RBM19: variants seen among roughly 807,000 people sequenced by gnomAD.
The protein encoded by RBM19 is RNA binding motif protein 19, also known as probable RNA-binding protein 19.
A neutral mutation model predicts 116.8 loss-of-function variants in RBM19; 94 were observed. That is an observed-to-expected ratio of 0.80 (90% CI 0.68 to 0.95). The LOEUF is 0.95. Among genes scored for constraint, RBM19 ranks in the 40% least tolerant of loss-of-function variants. The pLI is 0.00. For synonymous variants in RBM19, 475 were observed against 494.1 expected, an observed-to-expected ratio of 0.96 and a Z score of 0.51; for missense variants, 1,161 against 1,220.7, an observed-to-expected ratio of 0.95 and a Z score of 0.73.
downstream of RBM19, among the ~76,000 whole-genome samples, chr12:113,818,633 T>C (rs1042683737): frequency 6.6e-6 from 1 of 152,238 alleles, no homozygotes; most frequent in Non-Finnish European, 1.5e-5. Context: ...CTACTTTCCA[T>C]TCATGACCTT....
Position 113,825,654 on chromosome 12 carries a change from T to C in RBM19, c.2786-2333A>G, listed in dbSNP as rs1452893693. Reference sequence around the variant, plus strand: ...TAAGGGATGGCCAGCGGTGGCGGCATGGGACTTTTTCTTCTCTCCCACATC... The same window carrying C: ...TAAGGGATGGCCAGCGGTGGCGGCACGGGACTTTTTCTTCTCTCCCACATC... On this transcript the variant is annotated intron_variant, in intron 23 of 23. Transcript: ENST00000261741. This position sits in a 1 kb window ranked among gnomAD's most constrained non-coding sequence, Gnocchi z 5.7. Among the ~76,000 whole-genome samples, 2 of 152,080 alleles carry C rather than the reference T, an allele frequency of 1.3e-5. No individual in the cohort carries two copies. The highest frequency in any genetic ancestry group is 2.9e-5 in the Non-Finnish European group (2 of 68,000).
At chr12:113,959,157 C>T (rs1352705976) in intron 5 of RBM19, 55 bp downstream of exon 5, 19 of 1,558,674 alleles carry the variant, frequency 1.2e-5, no homozygotes, top group Non-Finnish European at 1.7e-5. Flanking sequence ...TGCCGGTTAG[C>T]CCAATGGCAA....
intron 21 of RBM19, among the ~76,000 whole-genome samples, chr12:113,865,226 C>G (rs2135753904): frequency 6.6e-6 from 1 of 152,274 alleles, no homozygotes; most frequent in East Asian, 1.9e-4. Flanking sequence ...GTATGCTTAC[C>G]TCAGGGCCTT....
chr12:113,918,561 G>C (rs575280668), intron 19 of RBM19, 114 bp from the exon 20 acceptor site: 1 of 1,049,958 alleles, frequency 9.5e-7, no homozygotes, highest in South Asian at 1.4e-5. Context: ...ATTGTTCCCC[G>C]GGGAGTGGGG....
At position 113,935,575 on chromosome 12, in the gene RBM19, C is replaced by A. The variant is rs146602587; in HGVS notation, c.2068+1432G>T. 1.8e-4 allele frequency among the ~76,000 whole-genome samples: 28 copies of A among 152,250 alleles called. No homozygotes were observed. The East Asian group carries it at 5.2e-3, about 28-fold the overall frequency. On this transcript the variant is annotated intron_variant, in intron 16 of 23. Transcript: ENST00000261741. ...GTGGGATGCTTCTGGGTCCTCAGAT[C>A]GCAAAGGGACTGAAGGATTTTGTTT...
chr12:113,927,132 T>C lies in RBM19; in HGVS notation c.2166A>G (p.Glu722=), dbSNP rs1869156484. 1.9e-6 allele frequency: 3 copies of C among 1,612,618 alleles called. No homozygotes were observed. The highest frequency in any genetic ancestry group is 1.3e-5 in the African/African-American group (1 of 75,062). ...KMEEEEEEEE[E]EEESLPGCTL... ...TACATCCTGGGAGGCTCTCTTCTTC[T>C]TCTTCCTCTTCCTCCTCCTCCTCTT... The change falls in exon 17 of 24, where the codon GAA becomes GAG. Residue 722 remains glutamate, a synonymous_variant. Coordinates refer to ENST00000261741, the MANE Select transcript of RBM19 (RefSeq NM_016196.4).
chr12:113,823,332 C>A lies in RBM19; in HGVS notation c.2786-11G>T, dbSNP rs1266906834. 1.2e-6 allele frequency: 2 copies of A among 1,611,376 alleles called. No individual in the cohort carries two copies. Among genetic ancestry groups the A allele is most frequent in the Admixed American group, 1.7e-5 (1 of 59,994 alleles). On this transcript the variant is annotated splice_polypyrimidine_tract_variant and intron_variant, in intron 23 of 23. Coordinates refer to ENST00000261741, the MANE Select transcript of RBM19 (RefSeq NM_016196.4). Reference sequence around the variant, plus strand: ...TTTTCTTCGGGGGCTCTGTGGGAGCCCAGATGGCAAGAGAGGAGAAAAGAA... The same window carrying A: ...TTTTCTTCGGGGGCTCTGTGGGAGCACAGATGGCAAGAGAGGAGAAAAGAA...
chr12:113,923,937 G>C (rs1289623861), intron 18 of RBM19, among the ~76,000 whole-genome samples: 1 of 152,272 alleles, frequency 6.6e-6, no homozygotes, highest in Non-Finnish European at 1.5e-5. Context: ...CTCAACAGCA[G>C]ACATTCTGGC....
At chr12:113,861,472 C>CTG (rs1218930064) in intron 21 of RBM19, among the ~76,000 whole-genome samples, 1 of 73,442 alleles carries the variant, frequency 1.4e-5, no homozygotes, top group Non-Finnish European at 2.7e-5. Context: ...GTAAGCCAGA[C>CTG]TCTGTGTGTG....
At chr12:113,952,169 G>T (rs1318273533) in intron 8 of RBM19, among the ~76,000 whole-genome samples, 1 of 152,228 alleles carries the variant, frequency 6.6e-6, no homozygotes, top group Non-Finnish European at 1.5e-5. Context: ...TCAGAGCCCT[G>T]CCCACCAGCA....
intron 6 of RBM19, 137 bp from the exon 7 acceptor site, chr12:113,955,348 A>G: frequency 1.2e-6 from 1 of 816,794 alleles, no homozygotes; most frequent in South Asian, 1.5e-5. Flanking sequence ...GGAAGAATCA[A>G]TGTCCACCGT....
chr12:113,836,741 T>G (rs977749866), intron 23 of RBM19, among the ~76,000 whole-genome samples: 3 of 151,976 alleles, frequency 2.0e-5, no homozygotes, highest in Admixed American at 2.0e-4. Flanking sequence ...GGAGAACAGG[T>G]GGCATCTGTG....
intron 16 of RBM19, among the ~76,000 whole-genome samples, chr12:113,932,214 C>T (rs941033406): frequency 1.3e-5 from 2 of 152,204 alleles, no homozygotes; most frequent in Non-Finnish European, 2.9e-5. Context: ...TCTGTGCTTC[C>T]TTCTTTCCAT....
intron 21 of RBM19, among the ~76,000 whole-genome samples, chr12:113,875,107 C>T (rs545629577): frequency 6.6e-6 from 1 of 152,364 alleles, no homozygotes; most frequent in East Asian, 1.9e-4. Context: ...GACCGTTCGA[C>T]AGAAAGCGTT....
At chr12:113,933,887 C>T (rs1033543120) in intron 16 of RBM19, among the ~76,000 whole-genome samples, 5 of 152,194 alleles carry the variant, frequency 3.3e-5, no homozygotes, top group African/African-American at 9.7e-5. Flanking sequence ...TCACCCAGCT[C>T]GGCTGCTGGC....
rs931283837 is a variant in RBM19, at chr12:113,936,047, C to G, written c.2068+960G>C. Among the ~76,000 whole-genome samples, 37 of 108,756 alleles carry G rather than the reference C, an allele frequency of 3.4e-4. 1 individual carries two copies. The Middle Eastern group carries it at 0.023, about 68-fold the overall frequency. The allele number at this position is 108,756 out of a possible 152,430, so 71.3% of individuals were successfully genotyped here. The stretch of plus-strand genomic sequence containing the variant: ...TCTGTCTCAAAAAAACAAAACAAAA[C>G]AAAACAAAAAAAACAACTCTTAAAT... On this transcript the variant is annotated intron_variant, in intron 16 of 23. Coordinates refer to ENST00000261741, the MANE Select transcript of RBM19 (RefSeq NM_016196.4).
At chr12:113,930,258 G>A (rs996571263) in intron 16 of RBM19, among the ~76,000 whole-genome samples, 1 of 152,222 alleles carries the variant, frequency 6.6e-6, no homozygotes, top group Non-Finnish European at 1.5e-5. Context: ...CCAGTGCCCG[G>A]CGTGGCATTC....
intron 23 of RBM19, among the ~76,000 whole-genome samples, chr12:113,837,246 T>TACACACACACACACACAC (rs34948952): frequency 0.016 from 2,034 of 126,752 alleles, 47 homozygotes; most frequent in Non-Finnish European, 0.019. Context: ...ATCCTCCTAA[T>TACACACACACACACACAC]ACACACACAC....
In RBM19 at chr12:113,951,536, CAA is replaced by C. The variant is rs375087078; in HGVS notation, c.1000+974_1000+975del. On this transcript the variant is annotated intron_variant, in intron 8 of 23. Coordinates refer to ENST00000261741, the MANE Select transcript of RBM19 (RefSeq NM_016196.4). The stretch of plus-strand genomic sequence containing the variant: ...GTTTACCTGACTGCACACACACACA[CAA>C]ACACACACACACTCACACACACAAA... Among the ~76,000 whole-genome samples, 136 of 150,494 alleles carry C rather than the reference CAA, an allele frequency of 9.0e-4. 1 individual carries two copies. The highest frequency in any genetic ancestry group is 8.5e-3 in the East Asian group (43 of 5,088).
Sources: allele counts gnomAD v4.1 joint callset (sites outside exome capture counted in the v4.1 genomes callset), GRCh38; gene constraint gnomAD v4.1.1; non-coding constraint Gnocchi (gnomAD v3.1); transcripts MANE v1.5; gene names NCBI Gene and HGNC (gene_info 2026-07-23, HGNC 2026-07-21).